Variants in TET1 observed in about 807,000 individuals in gnomAD.
The protein encoded by TET1 is tet methylcytosine dioxygenase 1, also known as methylcytosine dioxygenase TET1.
TET1 carries 13 observed loss-of-function variants against 148.7 expected under a neutral mutation model. That is an observed-to-expected ratio of 0.09 (90% confidence interval 0.06 to 0.14). The LOEUF (loss-of-function observed/expected upper bound fraction) is 0.14, where lower values mean the gene tolerates loss of function less well. TET1 is among the 10% of genes least tolerant of loss of function. TET1 has a pLI of 1.00. For synonymous variants in TET1, 907 were observed against 937.2 expected, an observed-to-expected ratio of 0.97 and a Z score of 0.59; for missense variants, 2,182 against 2,553.8, an observed-to-expected ratio of 0.85 and a Z score of 3.14.
rs1037000107 is a variant in TET1, at chr10:68,560,562, G to A, written c.-303G>A. The A allele has an allele frequency of 6.6e-6, 1 of 152,464 alleles. No individual in the cohort carries two copies. Among genetic ancestry groups the A allele is most frequent in the African/African-American group, 2.4e-5 (1 of 41,478 alleles). 9.4% of individuals were successfully genotyped at this position (152,464 alleles called of 1,614,324 possible). ...CCGACTCCTCACCTCGGGGGCTCGG[G>A]CCTTGACTGTGCTGGGAGCCGGTAG... On this transcript the variant is annotated 5_prime_UTR_variant, in exon 1 of 12. Transcript: ENST00000373644.
chr10:68,639,269 A>G (rs931343325), intron 3 of TET1, among the ~76,000 whole-genome samples: 2 of 151,676 alleles, frequency 1.3e-5, no homozygotes, highest in African/African-American at 4.8e-5. Flanking sequence ...TAAAAATACA[A>G]AATTTAGTTG....
Position 68,691,444 on chromosome 10 carries a change from C to T in TET1, c.6041C>T (p.Ala2014Val). Residue 2014 changes from alanine (A) to valine (V), a missense_variant, in exon 12 of 12, where the codon GCT becomes GTT. Ala to Val is a moderately conservative substitution (Grantham distance 64, BLOSUM62 0). Around this residue, in one of 11 missense-constraint regions of TET1, gnomAD observed 11 missense variants for 44.0 expected, o/e 0.25. Coordinates refer to ENST00000373644, the MANE Select transcript of TET1 (RefSeq NM_030625.3). The surrounding 1 kb of genome is among the most constrained non-coding windows in gnomAD (Gnocchi z 4.4). ...ANIGGVAIAPAHGSVLIECAR... is the reference protein window; with the variant it reads ...ANIGGVAIAPVHGSVLIECAR... ...ATTGGTGGGGTGGCCATCGCACCTG[C>T]TCACGGCTCGGTTTTGATTGAGTGT... The T allele has an allele frequency of 6.2e-7, 1 of 1,614,184 alleles. No individual in the cohort carries two copies. The highest frequency in any genetic ancestry group is 1.7e-5 in the Admixed American group (1 of 60,018).
At chr10:68,565,445 G>A (rs777058528) in intron 1 of TET1, among the ~76,000 whole-genome samples, 15 of 134,586 alleles carry the variant, frequency 1.1e-4, no homozygotes, top group South Asian at 2.4e-4. Context: ...ATACCTGAGC[G>A]ACAGAGCAAG....
chr10:68,672,934 T>C lies in TET1; in HGVS notation c.4713T>C (p.Cys1571=). Residue 1571 remains cysteine (C), a synonymous_variant, in exon 8 of 12, where the codon TGT becomes TGC. Transcript: ENST00000373644. ...GTCAAGGAATTGATCCAGAGACTTG[T>C]GGAGCTTCATTCTCTTTTGGCTGTT... ...CTCQGIDPET[C]GASFSFGCSW... is the part of the protein sequence containing the mutation. The C allele has an allele frequency of 6.2e-7, 1 of 1,610,782 alleles. No individual in the cohort carries two copies. Among genetic ancestry groups the C allele is most frequent in the Non-Finnish European group, 8.5e-7 (1 of 1,177,608 alleles).
rs954089349 is a variant in TET1 at position 68,694,227 on chromosome 10, C to T, written c.*2413C>T. On this transcript the variant is annotated 3_prime_UTR_variant, in exon 12 of 12. Transcript: ENST00000373644. ...AGTATCAACTGAAATGTTTCCATTC[C>T]GTTGTTGTAGTTAACATCATGAATG... is the stretch of plus-strand genomic sequence containing the variant. The T allele has an allele frequency of 6.9e-5, 16 of 232,526 alleles. No homozygotes were observed. The highest frequency in any genetic ancestry group is 3.6e-4 in the South Asian group (2 of 5,512). 14.4% of individuals were successfully genotyped at this position (232,526 alleles called of 1,614,324 possible). A position where few individuals can be genotyped will look rare whatever the true frequency, so the allele number is the denominator to read the frequency against.
In TET1 at chr10:68,644,727, C is replaced by T; in HGVS notation, c.1998C>T (p.Gly666=). 6.3e-7 allele frequency: 1 copy of T among 1,576,528 alleles called. No homozygotes were observed. The highest frequency in any genetic ancestry group is 8.6e-7 in the Non-Finnish European group (1 of 1,164,690). Reference sequence around the variant, plus strand: ...ATTTTGACAACAAACCAGTAAATGGCCCCAAGTCAGAATCCATGGACTACA... The same window carrying T: ...ATTTTGACAACAAACCAGTAAATGGTCCCAAGTCAGAATCCATGGACTACA... ...KADFDNKPVN[G]PKSESMDYSR... Residue 666 remains glycine (G), a synonymous_variant, in exon 4 of 12, where the codon GGC becomes GGT. Coordinates refer to ENST00000373644, the MANE Select transcript of TET1 (RefSeq NM_030625.3).
chr10:68,565,969 A>G (rs1353834167), intron 1 of TET1, among the ~76,000 whole-genome samples: 2 of 152,246 alleles, frequency 1.3e-5, no homozygotes. Flanking sequence ...TTCGCAATCC[A>G]TGTTGTTCAT....
chr10:68,668,071 C>CT (rs2055218323), intron 7 of TET1, among the ~76,000 whole-genome samples: 1 of 152,048 alleles, frequency 6.6e-6, no homozygotes, highest in Non-Finnish European at 1.5e-5. Flanking sequence ...AACCATTTGG[C>CT]TTTTTTTGTT....
At chr10:68,620,709 C>T (rs2054358152) in intron 3 of TET1, among the ~76,000 whole-genome samples, 1 of 151,980 alleles carries the variant, frequency 6.6e-6, no homozygotes, top group Non-Finnish European at 1.5e-5. Context: ...ACTACTGGTT[C>T]CTATGTTAAC....
intron 1 of TET1, among the ~76,000 whole-genome samples, chr10:68,561,711 C>A (rs2053555938): frequency 6.9e-6 from 1 of 145,302 alleles, no homozygotes; most frequent in Non-Finnish European, 1.5e-5. Context: ...TCCCTCTCCC[C>A]CGCTCCGGTC....
At chr10:68,668,596 T>G (rs1190952513) in intron 7 of TET1, among the ~76,000 whole-genome samples, 1 of 152,264 alleles carries the variant, frequency 6.6e-6, no homozygotes, top group East Asian at 1.9e-4. Flanking sequence ...GTTTTGTTTT[T>G]TTGAGACGGA....
At chr10:68,614,873 C>T (rs187793448) in intron 3 of TET1, among the ~76,000 whole-genome samples, 436 of 152,072 alleles carry the variant, frequency 2.9e-3, no homozygotes, top group Non-Finnish European at 5.3e-3. Context: ...GGCTTACAGG[C>T]GTGAGCCATC....
intron 1 of TET1, among the ~76,000 whole-genome samples, chr10:68,565,903 A>T (rs1196558461): frequency 1.3e-5 from 2 of 152,140 alleles, no homozygotes; most frequent in Non-Finnish European, 2.9e-5. Context: ...TTCAGGGGTC[A>T]TTGGCCTCTT....
chr10:68,676,252 ATATATATATATATATAT>A (rs1163264944), intron 8 of TET1, among the ~76,000 whole-genome samples: 10 of 34,888 alleles, frequency 2.9e-4, no homozygotes, highest in East Asian at 2.1e-3. Flanking sequence ...ATATATATAT[ATATATATATATATATAT>A]TTTTTTTTTT....
intron 1 of TET1, among the ~76,000 whole-genome samples, chr10:68,565,567 CAG>C (rs578147543): frequency 1.1e-3 from 158 of 150,290 alleles, no homozygotes; most frequent in African/African-American, 3.6e-3. Context: ...AAAATGGAAG[CAG>C]AGCATTTAAT....
chr10:68,588,879 T>G (rs2053888668), intron 2 of TET1, among the ~76,000 whole-genome samples: 2 of 151,306 alleles, frequency 1.3e-5, no homozygotes, highest in Admixed American at 1.3e-4. Context: ...CCCAGCACTT[T>G]GGGAGGCTGA....
At chr10:68,570,636 A>T (rs555594288) in intron 1 of TET1, among the ~76,000 whole-genome samples, 2 of 150,124 alleles carry the variant, frequency 1.3e-5, no homozygotes, top group South Asian at 4.3e-4. Flanking sequence ...AATTATTTTT[A>T]ATTTTTTTTT....
intron 6 of TET1, among the ~76,000 whole-genome samples, chr10:68,663,036 A>G (rs1169693575): frequency 6.6e-6 from 1 of 152,218 alleles, no homozygotes; most frequent in Non-Finnish European, 1.5e-5. Context: ...TTGGAGAATT[A>G]CCTGTTGGGT....
chr10:68,613,938 CAAAA>C (rs56302094), intron 3 of TET1, among the ~76,000 whole-genome samples: 1 of 118,636 alleles, frequency 8.4e-6, no homozygotes, highest in Admixed American at 8.6e-5. Flanking sequence ...GACTTCGTCT[CAAAA>C]AAAAAAAAAA....
Sources: gnomAD v4.1 joint callset for allele counts (sites outside exome capture counted in the v4.1 genomes callset) on GRCh38, gnomAD v4.1.1 for gene constraint, gnomAD v4.1.1 regional missense constraint, Gnocchi (gnomAD v3.1) non-coding constraint, MANE v1.5 for transcripts, NCBI Gene and HGNC (gene_info 2026-07-23, HGNC 2026-07-21) for gene names.